SCAI: variants seen among roughly 807,000 people sequenced by gnomAD.
The protein encoded by SCAI is suppressor of cancer cell invasion, also known as protein SCAI.
Under a neutral mutation model 92.2 loss-of-function variants are expected in SCAI, and 24 were observed. The ratio of observed to expected loss-of-function variants is 0.26; its 90% CI spans 0.19 to 0.37. SCAI has a LOEUF of 0.37. SCAI is among the 10% of genes least tolerant of loss of function. The probability of loss-of-function intolerance (pLI) is 1.00; values close to 1 mark genes in which losing one functional copy is unlikely to be tolerated. For synonymous variants in SCAI, 261 were observed against 258.6 expected (o/e 1.01, Z -0.09); for missense variants, 450 against 736.2 (o/e 0.61, Z 4.50).
At chr9:125,021,269 T>A (rs572005109) in intron 6 of SCAI, among the ~76,000 whole-genome samples, 1 of 152,328 alleles carries the variant, frequency 6.6e-6, no homozygotes, top group African/African-American at 2.4e-5. Flanking sequence ...AAATATGATC[T>A]CTGTGCCTTT....
At chr9:125,113,599 A>G (rs1338065675) in intron 2 of SCAI, among the ~76,000 whole-genome samples, 2 of 152,124 alleles carry the variant, frequency 1.3e-5, no homozygotes, top group East Asian at 3.8e-4. Context: ...CATAAAATAT[A>G]TAATCATAAC....
chr9:125,141,821 A>G (rs2131280210), intron 2 of SCAI, among the ~76,000 whole-genome samples: 1 of 152,360 alleles, frequency 6.6e-6, no homozygotes, highest in Non-Finnish European at 1.5e-5. Flanking sequence ...TCTTCTGTAA[A>G]ATAGTGACAC....
At chr9:125,043,847 A>G (rs1345374899) in intron 3 of SCAI, among the ~76,000 whole-genome samples, 2 of 152,166 alleles carry the variant, frequency 1.3e-5, no homozygotes, top group African/African-American at 4.8e-5. Context: ...CATGCTCCAC[A>G]GAATGGGTGG....
At position 124,949,134 on chromosome 9, in the gene SCAI, G is replaced by T. The variant is rs539432388; in HGVS notation, c.*3673C>A. 6.6e-6 allele frequency: 1 copy of T among 152,394 alleles called. No homozygotes were observed. The highest frequency in any genetic ancestry group is 1.5e-5 in the Non-Finnish European group (1 of 68,190). The allele number at this position is 152,394 out of a possible 1,614,324, so 9.4% of individuals were successfully genotyped here. A position where few individuals can be genotyped will look rare whatever the true frequency, so the allele number is the denominator to read the frequency against. On this transcript the variant is annotated 3_prime_UTR_variant, in exon 18 of 18. Coordinates refer to ENST00000336505, the MANE Select transcript of SCAI (RefSeq NM_001144877.3). The surrounding 1 kb of genome is among the most constrained non-coding windows in gnomAD (Gnocchi z 4.0). ...AGCACTTTGGGAGGCCGAGGCCAAC[G>T]GATCACCTCAAATCAGGAGTTCGAG...
chr9:124,950,123 G>A lies in SCAI; in HGVS notation c.*2684C>T, dbSNP rs956043616. 1.3e-5 allele frequency: 2 copies of A among 152,008 alleles called. No individual in the cohort carries two copies. The highest frequency in any genetic ancestry group is 4.8e-5 in the African/African-American group (2 of 41,370). 9.4% of individuals were successfully genotyped at this position (152,008 alleles called of 1,614,324 possible). A position where few individuals can be genotyped will look rare whatever the true frequency, so the allele number is the denominator to read the frequency against. On this transcript the variant is annotated 3_prime_UTR_variant, in exon 18 of 18. Transcript: ENST00000336505. ...CTGTACTAGTTTCTAAAACAGCTAA[G>A]TGGGACCCAGATTTTCTTGAACAAA...
intron 17 of SCAI, among the ~76,000 whole-genome samples, chr9:124,967,794 A>G (rs1831569920): frequency 6.6e-6 from 1 of 152,202 alleles, no homozygotes; most frequent in Admixed American, 6.5e-5. Flanking sequence ...ATTGCTTTTG[A>G]CACTTCAATG....
intron 17 of SCAI, among the ~76,000 whole-genome samples, chr9:124,969,598 A>T (rs1231800541): frequency 1.3e-5 from 2 of 152,230 alleles, no homozygotes. Context: ...ACCACTTTAC[A>T]TTCAGCAGAT....
chr9:124,976,709 C>A (rs1469241245), intron 14 of SCAI, among the ~76,000 whole-genome samples: 1 of 152,072 alleles, frequency 6.6e-6, no homozygotes, highest in Non-Finnish European at 1.5e-5. Context: ...ATATCCTTTC[C>A]CTGAAGGTAT....
In SCAI at chr9:124,944,736, C is replaced by T. The variant is rs889992378; in HGVS notation, c.*8071G>A. ...TTTGGAAGTATTTACTTTTGGGATT[C>T]TCATGTATGATCATTTCAAATTTTA... On this transcript the variant is annotated 3_prime_UTR_variant, in exon 18 of 18. Transcript: ENST00000336505. The T allele has an allele frequency of 2.6e-5, 4 of 151,956 alleles. No individual in the cohort carries two copies. Among genetic ancestry groups the T allele is most frequent in the Non-Finnish European group, 5.9e-5 (4 of 67,996 alleles). 9.4% of individuals were successfully genotyped at this position (151,956 alleles called of 1,614,324 possible).
chr9:125,026,744 A>G, intron 6 of SCAI, 68 bp downstream of exon 6: 2 of 829,692 alleles, frequency 2.4e-6, no homozygotes, highest in Non-Finnish European at 1.9e-6. Context: ...GCTTTTCCAC[A>G]CAATTTCTAC....
At chr9:125,117,981 T>C (rs191494208) in intron 2 of SCAI, among the ~76,000 whole-genome samples, 3 of 152,248 alleles carry the variant, frequency 2.0e-5, no homozygotes, top group Non-Finnish European at 4.4e-5. Context: ...CATCTTCTAA[T>C]GAGGTAATAT....
chr9:125,110,428 T>C (rs1003260024), intron 2 of SCAI, among the ~76,000 whole-genome samples: 4 of 152,186 alleles, frequency 2.6e-5, no homozygotes, highest in African/African-American at 7.2e-5. Flanking sequence ...GAGGATCACT[T>C]GAGGCCAGGA....
chr9:124,959,849 C>T (rs1275397795), intron 17 of SCAI, among the ~76,000 whole-genome samples: 3 of 152,050 alleles, frequency 2.0e-5, no homozygotes, highest in Admixed American at 6.6e-5. Flanking sequence ...TCAATGTCCC[C>T]ACAAAGGACA....
At position 125,003,694 on chromosome 9, in the gene SCAI, T is replaced by C. The variant is rs1048062860; in HGVS notation, c.862-124A>G. On this transcript the variant is annotated intron_variant, in intron 9 of 17. Transcript: ENST00000336505. The stretch of plus-strand genomic sequence containing the variant: ...TCAGGGCTTTGGGTACCTTTTTCTC[T>C]AATATTTCGTTACAGAAATTTTCAA... 6.3e-6 allele frequency: 4 copies of C among 632,980 alleles called. No individual in the cohort carries two copies. The Admixed American group carries it at 8.6e-5, about 14-fold the overall frequency. The allele number at this position is 632,980 out of a possible 1,614,324, so 39.2% of individuals were successfully genotyped here.
intron 14 of SCAI, among the ~76,000 whole-genome samples, chr9:124,981,796 C>CGTGGCACCACACTCAGCTGGCCACTCTGA (rs1831891805): frequency 1.3e-5 from 2 of 152,042 alleles, no homozygotes; most frequent in African/African-American, 4.8e-5. Context: ...ACTGCACAGA[C>CGTGGCACCACACTCAGCTGGCCACTCTGA]GTGGCACCAC....
intron 2 of SCAI, among the ~76,000 whole-genome samples, chr9:125,103,963 G>C (rs1021537467): frequency 9.9e-5 from 15 of 152,058 alleles, no homozygotes; most frequent in Non-Finnish European, 1.5e-4. Context: ...ATGACATCTA[G>C]GAAAGGAAAC....
intron 2 of SCAI, among the ~76,000 whole-genome samples, chr9:125,124,258 C>CAGAGGT (rs755433628): frequency 3.0e-4 from 45 of 152,056 alleles, no homozygotes; most frequent in Non-Finnish European, 5.9e-4. Context: ...AGGAGAGAGA[C>CAGAGGT]AGAGGTAGAG....
intron 2 of SCAI, among the ~76,000 whole-genome samples, chr9:125,092,825 A>G (rs1834463427): frequency 6.6e-6 from 1 of 152,182 alleles, no homozygotes; most frequent in Non-Finnish European, 1.5e-5. Flanking sequence ...CCTTCACAGC[A>G]TTAACTCTTT....
rs1466853986 is a variant in SCAI at position 125,119,536 on chromosome 9, AAACT to A, written c.98+23093_98+23096del. ...CATAATCCATATTTCTTCTCTTATA[AAACT>A]AACAGTGCTCCTGAAGGTAGAAATA... On this transcript the variant is annotated intron_variant, in intron 2 of 17. Transcript: ENST00000336505. Among the ~76,000 whole-genome samples, 4 of 152,240 alleles carry A rather than the reference AAACT, an allele frequency of 2.6e-5. No individual in the cohort carries two copies. In the East Asian group the frequency reaches 7.7e-4, roughly 29 times the overall value.
Sources: gnomAD v4.1 joint callset for allele counts (sites outside exome capture counted in the v4.1 genomes callset) on GRCh38, gnomAD v4.1.1 for gene constraint, Gnocchi (gnomAD v3.1) non-coding constraint, MANE v1.5 for transcripts, NCBI Gene and HGNC (gene_info 2026-07-23, HGNC 2026-07-21) for gene names.